CDC42SE2: variants seen among roughly 807,000 people sequenced by gnomAD.
CDC42SE2 encodes CDC42 small effector protein 2.
Under a neutral mutation model 11.5 loss-of-function variants are expected in CDC42SE2, and 3 were observed. The ratio of observed to expected loss-of-function variants is 0.26; its 90% confidence interval spans 0.12 to 0.67. The LOEUF is 0.67. Ranked by LOEUF, CDC42SE2 falls within the 30% of genes least tolerant of loss-of-function variation. CDC42SE2 has a pLI of 0.80. For missense variants in CDC42SE2, 82 were observed against 106.8 expected (o/e 0.77, Z 1.02); for synonymous variants, 33 against 34.8 (o/e 0.95, Z 0.18).
chr5:131,265,545 T>C (rs1756842215), intron 1 of CDC42SE2, among the ~76,000 whole-genome samples: 1 of 152,166 alleles, frequency 6.6e-6, no homozygotes, highest in African/African-American at 2.4e-5. Flanking sequence ...ACAGGCAAAA[T>C]CCGCAATTAT....
chr5:131,330,015 T>C (rs1758387267), intron 2 of CDC42SE2, among the ~76,000 whole-genome samples: 1 of 150,714 alleles, frequency 6.6e-6, no homozygotes, highest in South Asian at 2.1e-4. Flanking sequence ...CTCTCAATCA[T>C]GAAGGTCAGG....
intron 3 of CDC42SE2, among the ~76,000 whole-genome samples, chr5:131,369,119 C>G (rs1749943201): frequency 6.6e-6 from 1 of 152,072 alleles, no homozygotes; most frequent in African/African-American, 2.4e-5. Context: ...ATTTTACCAT[C>G]TATGTATGTA....
rs1749816813 is a variant in CDC42SE2 at position 131,365,147 on chromosome 5, G to A, written c.54+5600G>A. On this transcript the variant is annotated intron_variant, in intron 3 of 4. Coordinates refer to ENST00000505065, the MANE Select transcript of CDC42SE2 (RefSeq NM_001375635.1). ...TCTACTAAAAATACAAAAAATAGCTGGGCGTGGTGTCGCATGCCTGTAATC... is the reference window on the plus strand; with the variant it reads ...TCTACTAAAAATACAAAAAATAGCTAGGCGTGGTGTCGCATGCCTGTAATC... 3.3e-5 allele frequency among the ~76,000 whole-genome samples: 5 copies of A among 152,116 alleles called. No homozygotes were observed. In the South Asian group the frequency reaches 1.0e-3, roughly 32 times the overall value.
intron 4 of CDC42SE2, 46 bp downstream of exon 4, chr5:131,385,690 CAT>C: frequency 8.6e-7 from 1 of 1,160,642 alleles, no homozygotes; most frequent in Non-Finnish European, 1.3e-6. Flanking sequence ...GGGGCATAGT[CAT>C]ATGAAACCTG....
chr5:131,388,161 A>G lies in CDC42SE2; in HGVS notation c.156+2517A>G, dbSNP rs954307615. On this transcript the variant is annotated intron_variant, in intron 4 of 4. Transcript: ENST00000505065. ...AGGCTCCTGCCACCATGCCTGGCTA[A>G]TTTTTTGTATTTTTAGTAGAGCGGG... Among the ~76,000 whole-genome samples, 2 of 152,060 alleles carry G rather than the reference A, an allele frequency of 1.3e-5. 1 individual carries two copies. The highest frequency in any genetic ancestry group is 4.2e-4 in the South Asian group (2 of 4,818).
intron 2 of CDC42SE2, among the ~76,000 whole-genome samples, chr5:131,346,477 A>T (rs900654881): frequency 6.6e-6 from 1 of 152,228 alleles, no homozygotes; most frequent in African/African-American, 2.4e-5. Flanking sequence ...TGTGCATCTA[A>T]TACAGGAGTA....
chr5:131,299,422 G>A (rs1757636089), intron 1 of CDC42SE2, among the ~76,000 whole-genome samples: 1 of 152,146 alleles, frequency 6.6e-6, no homozygotes. Context: ...GAACATGGCC[G>A]TTTGGCTGTG....
chr5:131,301,753 G>A (rs1426029840), intron 1 of CDC42SE2, among the ~76,000 whole-genome samples: 14 of 146,324 alleles, frequency 9.6e-5, no homozygotes, highest in Non-Finnish European at 1.3e-4. Context: ...GCAAGACTCC[G>A]TCTCAAAAAA....
At chr5:131,242,701 C>G (rs2149681033), upstream of CDC42SE2, among the ~76,000 whole-genome samples, 1 of 152,268 alleles carries the variant, frequency 6.6e-6, no homozygotes, top group African/African-American at 2.4e-5. Context: ...CCAAAAATTT[C>G]AGGCAGCCAG....
chr5:131,240,041 T>A, the CDC42SE2 span, among the ~76,000 whole-genome samples: 1 of 152,204 alleles, frequency 6.6e-6, no homozygotes, highest in African/African-American at 2.4e-5. Flanking sequence ...AACATTTGTA[T>A]CCAGTAATCT....
chr5:131,253,586 G>A (rs553199726), intron 1 of CDC42SE2, among the ~76,000 whole-genome samples: 2 of 152,176 alleles, frequency 1.3e-5, no homozygotes, highest in Admixed American at 6.5e-5. Context: ...CCAACTTGGC[G>A]AAACCCTATC....
At chr5:131,326,898 A>C (rs1399347988) in intron 2 of CDC42SE2, among the ~76,000 whole-genome samples, 1 of 152,168 alleles carries the variant, frequency 6.6e-6, no homozygotes, top group African/African-American at 2.4e-5. Context: ...GCATGAGACC[A>C]TGGTTGGCCT....
At chr5:131,320,127 G>A (rs1248457212) in intron 2 of CDC42SE2, among the ~76,000 whole-genome samples, 3 of 149,784 alleles carry the variant, frequency 2.0e-5, no homozygotes, top group African/African-American at 7.3e-5. Context: ...GCTAACACCT[G>A]TAACCCGAAC....
At chr5:131,250,522 A>T (rs1756631130) in intron 1 of CDC42SE2, among the ~76,000 whole-genome samples, 1 of 152,204 alleles carries the variant, frequency 6.6e-6, no homozygotes. Context: ...GGAAAAGGCA[A>T]AACTGTGGAG....
intron 1 of CDC42SE2, among the ~76,000 whole-genome samples, chr5:131,279,065 G>T (rs909426862): frequency 1.3e-5 from 2 of 151,836 alleles, no homozygotes; most frequent in Non-Finnish European, 2.9e-5. Flanking sequence ...GATTACAGGC[G>T]TAAGCCACCA....
chr5:131,351,707 A>G (rs1481201336), intron 2 of CDC42SE2, among the ~76,000 whole-genome samples: 2 of 152,250 alleles, frequency 1.3e-5, no homozygotes, highest in Non-Finnish European at 2.9e-5. Context: ...GATTATAGGT[A>G]TAAAAATAAA....
At chr5:131,337,891 G>T (rs1308326339) in intron 2 of CDC42SE2, among the ~76,000 whole-genome samples, 2 of 152,232 alleles carry the variant, frequency 1.3e-5, no homozygotes, top group Non-Finnish European at 2.9e-5. Context: ...ACTAGGAAAG[G>T]GAATTCCCTG....
chr5:131,278,713 T>TCCCCTC (rs1561569770), intron 1 of CDC42SE2, among the ~76,000 whole-genome samples: 1 of 32,192 alleles, frequency 3.1e-5, no homozygotes, highest in Non-Finnish European at 6.0e-5. Context: ...TCCTTTCCTC[T>TCCCCTC]CCCCTCCCCT....
intron 1 of CDC42SE2, among the ~76,000 whole-genome samples, chr5:131,303,619 G>C (rs1031158908): frequency 6.6e-6 from 1 of 152,144 alleles, no homozygotes; most frequent in Non-Finnish European, 1.5e-5. Context: ...CTATCAGTAG[G>C]ACTTTTGAAT....
Sources: gnomAD v4.1 joint callset for allele counts (sites outside exome capture counted in the v4.1 genomes callset) on GRCh38, gnomAD v4.1.1 for gene constraint, MANE v1.5 for transcripts, NCBI Gene and HGNC (gene_info 2026-07-23, HGNC 2026-07-21) for gene names.